Variants in DCC observed in about 807,000 individuals in gnomAD.
DCC encodes netrin receptor DCC.
A neutral mutation model predicts 172.5 loss-of-function variants in DCC; 58 were observed. The ratio of observed to expected loss-of-function variants is 0.34; its 90% CI spans 0.27 to 0.42. The LOEUF is 0.42. Ranked by LOEUF, DCC falls within the 10% of genes least tolerant of loss-of-function variation. DCC has a pLI of 1.00. For synonymous variants in DCC, 709 were observed against 644.5 expected (o/e 1.10, Z -1.52); for missense variants, 1,740 against 1,791.0 (o/e 0.97, Z 0.51).
intron 5 of DCC, chr18:52,941,279 A>C (rs2145523889): frequency 6.6e-6 from 1 of 152,270 alleles, no homozygotes; most frequent in African/African-American, 2.4e-5. Flanking sequence ...ATCAGGAACA[A>C]AAAAATATAT....
intron 2 of DCC, among the ~76,000 whole-genome samples, chr18:52,784,934 GGA>G (rs59734988): frequency 2.8e-4 from 40 of 141,486 alleles, no homozygotes; most frequent in Admixed American, 2.8e-4. Flanking sequence ...AGAGAAGGGG[GGA>G]GAGAGAGAGA....
chr18:52,700,405 A>G (rs935189976), intron 1 of DCC, among the ~76,000 whole-genome samples: 1 of 151,836 alleles, frequency 6.6e-6, no homozygotes, highest in Non-Finnish European at 1.5e-5. Flanking sequence ...ATGCACACAC[A>G]CACGCACATG....
intron 2 of DCC, among the ~76,000 whole-genome samples, chr18:52,891,885 C>T (rs2039655757): frequency 6.6e-6 from 1 of 152,092 alleles, no homozygotes; most frequent in Non-Finnish European, 1.5e-5. Context: ...CTCTTGTATT[C>T]ACCACCACCA....
intron 14 of DCC, among the ~76,000 whole-genome samples, chr18:53,332,084 A>G (rs1419132811): frequency 6.6e-6 from 1 of 152,180 alleles, no homozygotes; most frequent in South Asian, 2.1e-4. Context: ...GAGAAGAAAG[A>G]TTCTCCATCC....
intron 12 of DCC, among the ~76,000 whole-genome samples, chr18:53,297,936 A>G (rs773424837): frequency 1.3e-5 from 2 of 152,178 alleles, no homozygotes; most frequent in Non-Finnish European, 2.9e-5. Flanking sequence ...TAAAACTGAT[A>G]ATAATCACTT....
chr18:53,269,016 A>T (rs1471251333), intron 12 of DCC, among the ~76,000 whole-genome samples: 1 of 152,188 alleles, frequency 6.6e-6, no homozygotes, highest in African/African-American at 2.4e-5. Flanking sequence ...AGATGGTCTC[A>T]GCAGGAAAGG....
At chr18:53,469,778 A>C (rs966014087) in intron 25 of DCC, among the ~76,000 whole-genome samples, 2 of 151,990 alleles carry the variant, frequency 1.3e-5, no homozygotes, top group Non-Finnish European at 2.9e-5. Flanking sequence ...ACTGAAAAAA[A>C]TTTCTAAATT....
chr18:52,496,959 G>A (rs2030777332), intron 1 of DCC, among the ~76,000 whole-genome samples: 1 of 151,650 alleles, frequency 6.6e-6, no homozygotes, highest in Non-Finnish European at 1.5e-5. Flanking sequence ...TACATATAAT[G>A]AAAAAAATTA....
rs534261707 is a variant in DCC, at chr18:52,399,182, T to C, written c.91+58304T>C. Among the ~76,000 whole-genome samples, 475 of 152,052 alleles carry C rather than the reference T, an allele frequency of 3.1e-3. 4 individuals are homozygous for C. Among genetic ancestry groups the C allele is most frequent in the African/African-American group, 0.011 (450 of 41,530 alleles). ...CTTTAAATTAGCAAGCTCCTTCACA[T>C]ATTTAAAATATATAGTGTTTTTTTG... On this transcript the variant is annotated intron_variant, in intron 1 of 28. Transcript: ENST00000442544.
At chr18:53,108,779 A>G (rs1397268742) in intron 7 of DCC, among the ~76,000 whole-genome samples, 1 of 151,534 alleles carries the variant, frequency 6.6e-6, no homozygotes, top group African/African-American at 2.4e-5. Flanking sequence ...ATGAATTGCT[A>G]TTGAGTGTTT....
Position 53,197,385 on chromosome 18 carries a change from G to A in DCC, c.1574-7831G>A, listed in dbSNP as rs555329524. Among the ~76,000 whole-genome samples, 13 of 148,372 alleles carry A rather than the reference G, an allele frequency of 8.8e-5. 1 individual carries two copies. The South Asian group carries it at 2.3e-3, about 27-fold the overall frequency. ...TAGGTCATTACTGCAATGACAACACGTGACAGTTTTTCTTCAAATCCACTT... is the reference window on the plus strand; with the variant it reads ...TAGGTCATTACTGCAATGACAACACATGACAGTTTTTCTTCAAATCCACTT... On this transcript the variant is annotated intron_variant, in intron 9 of 28. Coordinates refer to ENST00000442544, the MANE Select transcript of DCC (RefSeq NM_005215.4).
intron 1 of DCC, among the ~76,000 whole-genome samples, chr18:52,376,062 G>A (rs1359661326): frequency 3.3e-5 from 5 of 152,104 alleles, no homozygotes; most frequent in African/African-American, 9.7e-5. Flanking sequence ...TATGATTTGG[G>A]GAAAGTTCTC....
intron 1 of DCC, among the ~76,000 whole-genome samples, chr18:52,561,729 A>G (rs1598914702): frequency 6.6e-6 from 1 of 152,262 alleles, no homozygotes; most frequent in South Asian, 2.1e-4. Flanking sequence ...ATATGGTGAT[A>G]TTCACTTCGC....
intron 7 of DCC, among the ~76,000 whole-genome samples, chr18:53,098,353 A>G (rs942556985): frequency 2.6e-5 from 4 of 152,188 alleles, no homozygotes; most frequent in East Asian, 1.9e-4. Flanking sequence ...CCTTGAAAGT[A>G]AAGGGTAAGA....
intron 27 of DCC, among the ~76,000 whole-genome samples, chr18:53,515,419 A>G (rs200431974): frequency 0.057 from 8,274 of 145,888 alleles, 381 homozygotes; most frequent in Admixed American, 0.14. Flanking sequence ...CACCACTCGT[A>G]TTCAACATAG....
chr18:52,924,502 T>A (rs1468683149), intron 4 of DCC, among the ~76,000 whole-genome samples: 1 of 152,054 alleles, frequency 6.6e-6, no homozygotes, highest in Non-Finnish European at 1.5e-5. Context: ...TGGCTTTGAA[T>A]TGCTGGAATA....
At chr18:53,093,875 C>T (rs2043047987) in intron 7 of DCC, among the ~76,000 whole-genome samples, 1 of 152,166 alleles carries the variant, frequency 6.6e-6, no homozygotes, top group South Asian at 2.1e-4. Flanking sequence ...CTCATCCATT[C>T]CCATCATCCC....
intron 22 of DCC, among the ~76,000 whole-genome samples, chr18:53,450,048 A>T (rs1021928609): frequency 1.3e-5 from 2 of 151,812 alleles, no homozygotes; most frequent in African/African-American, 4.8e-5. Context: ...GTGTTTCCAT[A>T]GTTTATCCAT....
At chr18:52,734,611 G>A (rs2036696666) in intron 1 of DCC, among the ~76,000 whole-genome samples, 1 of 152,008 alleles carries the variant, frequency 6.6e-6, no homozygotes, top group Non-Finnish European at 1.5e-5. Flanking sequence ...CCATAAGTAA[G>A]GTTTGAGGCC....
Sources: allele counts gnomAD v4.1 joint callset (sites outside exome capture counted in the v4.1 genomes callset), GRCh38; gene constraint gnomAD v4.1.1; transcripts MANE v1.5; gene names NCBI Gene and HGNC (gene_info 2026-07-23, HGNC 2026-07-21).